Variants in RBMS3 observed in about 807,000 individuals in gnomAD.
RBMS3 encodes RNA binding motif single stranded interacting protein 3, also known as RNA-binding motif, single-stranded-interacting protein 3.
In RBMS3, 27 loss-of-function variants were observed where a neutral mutation model predicts 66.8. The ratio of observed to expected loss-of-function variants is 0.40; its 90% confidence interval spans 0.30 to 0.56. RBMS3 has a LOEUF of 0.56. Among genes scored for constraint, RBMS3 ranks in the 20% least tolerant of loss-of-function variants. RBMS3 has a pLI of 0.40. For synonymous variants in RBMS3, 188 were observed against 183.0 expected, an observed-to-expected ratio of 1.03 and a Z score of -0.22; for missense variants, 513 against 549.5, an observed-to-expected ratio of 0.93 and a Z score of 0.66.
chr3:29,816,110 A>G (rs757460269), intron 6 of RBMS3, among the ~76,000 whole-genome samples: 17 of 152,078 alleles, frequency 1.1e-4, no homozygotes, highest in Non-Finnish European at 2.1e-4. Context: ...ATTCTAATTC[A>G]CACCTACATG....
intron 4 of RBMS3, among the ~76,000 whole-genome samples, chr3:29,683,504 A>C (rs1209035688): frequency 6.6e-6 from 1 of 152,192 alleles, no homozygotes; most frequent in East Asian, 1.9e-4. Flanking sequence ...ACTTTAGGAA[A>C]GTGTGAAGTT....
intron 10 of RBMS3, among the ~76,000 whole-genome samples, chr3:29,902,929 A>T (rs993729922): frequency 6.6e-6 from 1 of 151,932 alleles, no homozygotes; most frequent in African/African-American, 2.4e-5. Flanking sequence ...AATGACCTTG[A>T]TCTCTTTGCT....
intron 6 of RBMS3, among the ~76,000 whole-genome samples, chr3:29,856,549 A>C (rs183949315): frequency 6.6e-6 from 1 of 152,332 alleles, no homozygotes; most frequent in East Asian, 1.9e-4. Context: ...TTTACACTTT[A>C]GAAAGGTCTA....
chr3:29,738,572 G>T (rs1182274775), intron 4 of RBMS3, among the ~76,000 whole-genome samples: 1 of 152,192 alleles, frequency 6.6e-6, no homozygotes, highest in East Asian at 1.9e-4. Context: ...TATTGGTGCT[G>T]AATTAGGAGA....
intron 12 of RBMS3, among the ~76,000 whole-genome samples, chr3:29,978,346 T>C (rs996073097): frequency 6.6e-6 from 1 of 152,140 alleles, no homozygotes; most frequent in Non-Finnish European, 1.5e-5. Context: ...CCAGAGATAA[T>C]AGTCTTAAGG....
At chr3:29,821,540 C>T (rs570366133) in intron 6 of RBMS3, among the ~76,000 whole-genome samples, 1 of 152,166 alleles carries the variant, frequency 6.6e-6, no homozygotes, top group African/African-American at 2.4e-5. Flanking sequence ...TAAAATTAGG[C>T]ACCATTTCTG....
In RBMS3 at chr3:29,713,678, A is replaced by T. The variant is rs907844981; in HGVS notation, c.400-26042A>T. ...ATGTTTTATACTTTAATGCATTCTC[A>T]TATACAGTGTCTCTGCTTCCTCCAA... On this transcript the variant is annotated intron_variant, in intron 4 of 14. Transcript: ENST00000383767. Among the ~76,000 whole-genome samples, 27 of 152,292 alleles carry T rather than the reference A, an allele frequency of 1.8e-4. 1 individual carries two copies. Among genetic ancestry groups the T allele is most frequent in the African/African-American group, 4.6e-4 (19 of 41,572 alleles).
intron 6 of RBMS3, among the ~76,000 whole-genome samples, chr3:29,778,643 C>A (rs2056510851): frequency 6.6e-6 from 1 of 151,676 alleles, no homozygotes; most frequent in Non-Finnish European, 1.5e-5. Context: ...GGCTGATTGA[C>A]CCCAGGATTT....
chr3:29,326,288 C>T (rs2035333246), intron 1 of RBMS3, among the ~76,000 whole-genome samples: 1 of 152,144 alleles, frequency 6.6e-6, no homozygotes, highest in African/African-American at 2.4e-5. Flanking sequence ...CTGATCTTTC[C>T]ATAAACTCTC....
At chr3:29,912,825 T>C (rs891268349) in intron 10 of RBMS3, among the ~76,000 whole-genome samples, 6 of 152,026 alleles carry the variant, frequency 3.9e-5, no homozygotes, top group Non-Finnish European at 8.8e-5. Context: ...AGCCAGGATG[T>C]TATTAAATTT....
At chr3:29,871,221 C>G (rs1002648124) in intron 7 of RBMS3, among the ~76,000 whole-genome samples, 4 of 152,096 alleles carry the variant, frequency 2.6e-5, no homozygotes, top group Non-Finnish European at 5.9e-5. Context: ...AATTGGTTCT[C>G]TTAGACTAAG....
At chr3:29,917,348 C>A (rs1239231745) in intron 10 of RBMS3, among the ~76,000 whole-genome samples, 1 of 151,976 alleles carries the variant, frequency 6.6e-6, no homozygotes, top group Non-Finnish European at 1.5e-5. Context: ...CTTCAAGACG[C>A]TTAGATGTTC....
chr3:29,841,355 T>C (rs996132871), intron 6 of RBMS3, among the ~76,000 whole-genome samples: 8 of 152,046 alleles, frequency 5.3e-5, no homozygotes, highest in African/African-American at 1.7e-4. Context: ...TTTCATAGAC[T>C]ATGCCTCTTT....
chr3:29,929,310 C>T (rs1013777738), intron 10 of RBMS3, among the ~76,000 whole-genome samples: 1 of 152,106 alleles, frequency 6.6e-6, no homozygotes, highest in Non-Finnish European at 1.5e-5. Context: ...TACTGATAAA[C>T]TTGTTTCTGT....
chr3:29,341,679 C>T (rs2036290884), intron 1 of RBMS3, among the ~76,000 whole-genome samples: 1 of 152,270 alleles, frequency 6.6e-6, no homozygotes, highest in South Asian at 2.1e-4. Context: ...TAGACCTCCA[C>T]TTGGCTTCTC....
intron 3 of RBMS3, among the ~76,000 whole-genome samples, chr3:29,554,360 C>T (rs936624814): frequency 3.3e-5 from 5 of 152,216 alleles, no homozygotes; most frequent in Non-Finnish European, 7.3e-5. Context: ...ATAAGTTATA[C>T]ATTTTCTAAC....
intron 1 of RBMS3, among the ~76,000 whole-genome samples, chr3:29,372,066 G>A (rs1041326964): frequency 5.3e-5 from 8 of 152,200 alleles, no homozygotes; most frequent in Non-Finnish European, 7.3e-5. Context: ...GTAGGGGGAA[G>A]AGGAAGACAC....
chr3:29,903,472 A>G (rs574734610), intron 10 of RBMS3, among the ~76,000 whole-genome samples: 13 of 152,028 alleles, frequency 8.6e-5, no homozygotes, highest in Non-Finnish European at 1.9e-4. Flanking sequence ...TTGCACTAAC[A>G]GAATTTTAAT....
chr3:29,394,178 G>T (rs1447042156), intron 1 of RBMS3, among the ~76,000 whole-genome samples: 5 of 152,022 alleles, frequency 3.3e-5, no homozygotes, highest in African/African-American at 1.2e-4. Context: ...ACTGCCCCCT[G>T]GGAATGCATT....
Sources: gnomAD v4.1 joint callset for allele counts (sites outside exome capture counted in the v4.1 genomes callset) on GRCh38, gnomAD v4.1.1 for gene constraint, MANE v1.5 for transcripts, NCBI Gene and HGNC (gene_info 2026-07-23, HGNC 2026-07-21) for gene names.